CSMD1: variants seen among roughly 807,000 people sequenced by gnomAD.
CSMD1 encodes CUB and Sushi multiple domains 1, also known as CUB and sushi domain-containing protein 1.
Under a neutral mutation model 417.5 loss-of-function variants are expected in CSMD1, and 213 were observed. The observed-to-expected ratio is 0.51, with a 90% CI of 0.46 to 0.57. CSMD1 has a LOEUF of 0.57. Ranked by LOEUF, CSMD1 falls within the 20% of genes least tolerant of loss-of-function variation. The pLI, the probability that CSMD1 is intolerant of heterozygous loss-of-function variation, is 0.00. For missense variants in CSMD1, 6,923 were observed against 4,529.7 expected (o/e 1.53, Z -15.17); for synonymous variants, 2,862 against 1,736.8 (o/e 1.65, Z -16.11).
At chr8:4,606,712 T>C (rs1467972510) in intron 2 of CSMD1, among the ~76,000 whole-genome samples, 1 of 152,202 alleles carries the variant, frequency 6.6e-6, no homozygotes, top group Admixed American at 6.5e-5. Flanking sequence ...TGATCTATCC[T>C]CCAGTTTGAT....
chr8:4,093,682 C>T (rs1036472663), intron 3 of CSMD1, among the ~76,000 whole-genome samples: 9 of 152,056 alleles, frequency 5.9e-5, no homozygotes, highest in South Asian at 2.1e-4. Context: ...ACAGAACGGC[C>T]GGGTGCAGAG....
intron 2 of CSMD1, among the ~76,000 whole-genome samples, chr8:4,434,201 G>T (rs181231332): frequency 2.6e-5 from 4 of 152,178 alleles, no homozygotes; most frequent in African/African-American, 9.6e-5. Flanking sequence ...ATCCAGGCAT[G>T]GTAATGAGCA....
chr8:3,855,915 T>C (rs547666653), intron 5 of CSMD1, among the ~76,000 whole-genome samples: 1 of 152,226 alleles, frequency 6.6e-6, no homozygotes, highest in Admixed American at 6.5e-5. Flanking sequence ...TTGCCAAATC[T>C]GTACGGGTGA....
chr8:3,539,930 TA>T lies in CSMD1; in HGVS notation c.1344+35014del, dbSNP rs1798368418. On this transcript the variant is annotated intron_variant, in intron 10 of 69. Transcript: ENST00000635120. Reference sequence around the variant, plus strand: ...ACACAATTGCTTCATGGATAGACCATAACTTCTCTGTTTCCCATAAATTGTA... The same window carrying T: ...ACACAATTGCTTCATGGATAGACCATACTTCTCTGTTTCCCATAAATTGTA... Among the ~76,000 whole-genome samples the T allele has an allele frequency of 2.6e-5, 4 of 152,316 alleles. No individual in the cohort carries two copies. In the South Asian group the frequency reaches 8.3e-4, roughly 32 times the overall value.
At chr8:4,811,700 GA>G (rs202162965) in intron 1 of CSMD1, among the ~76,000 whole-genome samples, 65 of 151,582 alleles carry the variant, frequency 4.3e-4, no homozygotes, top group East Asian at 1.6e-3. Flanking sequence ...ACAGAAATAA[GA>G]AAAAAAATGA....
chr8:3,229,153 C>T (rs745978610), intron 27 of CSMD1, among the ~76,000 whole-genome samples: 4 of 152,102 alleles, frequency 2.6e-5, no homozygotes, highest in Non-Finnish European at 4.4e-5. Context: ...AAAACCAGTT[C>T]AAACCACAAA....
chr8:3,388,294 T>C (rs1811136261), intron 17 of CSMD1, among the ~76,000 whole-genome samples: 1 of 152,212 alleles, frequency 6.6e-6, no homozygotes, highest in African/African-American at 2.4e-5. Context: ...GAAAAATTAA[T>C]GTGCATGAAG....
chr8:3,363,595 T>C (rs1458396023), intron 20 of CSMD1, among the ~76,000 whole-genome samples: 1 of 152,118 alleles, frequency 6.6e-6, no homozygotes, highest in Non-Finnish European at 1.5e-5. Flanking sequence ...TGGCGCGATC[T>C]CCGCTCACTG....
intron 12 of CSMD1, among the ~76,000 whole-genome samples, chr8:3,428,735 G>T (rs568099414): frequency 6.6e-6 from 1 of 152,202 alleles, no homozygotes; most frequent in South Asian, 2.1e-4. Context: ...ATCAGTACAT[G>T]GAAGAGATAG....
chr8:4,728,054 T>C (rs144641123), intron 1 of CSMD1, among the ~76,000 whole-genome samples: 5 of 146,722 alleles, frequency 3.4e-5, no homozygotes, highest in African/African-American at 1.2e-4. Flanking sequence ...TTGTTATATA[T>C]AGAGAGATGT....
chr8:3,821,736 C>T (rs1052169267), intron 5 of CSMD1, among the ~76,000 whole-genome samples: 6 of 152,102 alleles, frequency 3.9e-5, no homozygotes, highest in Admixed American at 6.5e-5. Flanking sequence ...GAGTTGAAAT[C>T]GCACCACTGC....
intron 3 of CSMD1, among the ~76,000 whole-genome samples, chr8:4,406,431 G>A (rs1273946667): frequency 1.3e-5 from 2 of 152,124 alleles, no homozygotes; most frequent in African/African-American, 4.8e-5. Context: ...TACCCCAAGA[G>A]CCACAAATTT....
At chr8:3,263,318 C>G (rs533290054) in intron 26 of CSMD1, among the ~76,000 whole-genome samples, 154 of 152,238 alleles carry the variant, frequency 1.0e-3, no homozygotes, top group South Asian at 3.1e-3. Context: ...AGGCTAGTCT[C>G]GAACTCCTGG....
In CSMD1 at chr8:3,838,023, T is replaced by C. The variant is rs193038998; in HGVS notation, c.819-83981A>G. Among the ~76,000 whole-genome samples, 554 of 152,234 alleles carry C rather than the reference T, an allele frequency of 3.6e-3. 2 individuals are homozygous for C. Among genetic ancestry groups the C allele is most frequent in the African/African-American group, 0.013 (523 of 41,532 alleles). On this transcript the variant is annotated intron_variant, in intron 5 of 69. Transcript: ENST00000635120. ...TGATGCCCTCCCCAACTAATTATCA[T>C]AAATAAATATGTATGTATTGATTAG... is the stretch of plus-strand genomic sequence containing the variant.
intron 1 of CSMD1, among the ~76,000 whole-genome samples, chr8:4,757,289 G>C (rs1234010665): frequency 1.3e-5 from 2 of 152,160 alleles, no homozygotes; most frequent in South Asian, 2.1e-4. Flanking sequence ...GGAAATAAAA[G>C]ATATACGTGA....
At position 3,964,352 on chromosome 8, in the gene CSMD1, G is replaced by A. The variant is rs192599041; in HGVS notation, c.818+33551C>T. Among the ~76,000 whole-genome samples the A allele has an allele frequency of 2.5e-3, 377 of 152,240 alleles. 1 individual carries two copies. Among genetic ancestry groups the A allele is most frequent in the African/African-American group, 8.8e-3 (364 of 41,542 alleles). ...TGTCACCGTGACTTATTTGAGCACTGGTACAACTTAATTCACATTTGTTTG... is the reference window on the plus strand; with the variant it reads ...TGTCACCGTGACTTATTTGAGCACTAGTACAACTTAATTCACATTTGTTTG... On this transcript the variant is annotated intron_variant, in intron 5 of 69. Coordinates refer to ENST00000635120, the MANE Select transcript of CSMD1 (RefSeq NM_033225.6).
chr8:3,093,567 C>A (rs940428728), intron 47 of CSMD1, among the ~76,000 whole-genome samples: 1 of 152,006 alleles, frequency 6.6e-6, no homozygotes. Flanking sequence ...ACTCAGGAGG[C>A]TGAGGCAGGA....
chr8:3,270,881 G>A (rs529628659), intron 26 of CSMD1, among the ~76,000 whole-genome samples: 5 of 151,590 alleles, frequency 3.3e-5, no homozygotes, highest in African/African-American at 9.7e-5. Context: ...TATGGCAGAA[G>A]GTAAGCAGGA....
At chr8:3,992,022 A>C (rs1251469469) in intron 5 of CSMD1, among the ~76,000 whole-genome samples, 2 of 152,146 alleles carry the variant, frequency 1.3e-5, no homozygotes, top group African/African-American at 4.8e-5. Flanking sequence ...CATTTTAATT[A>C]AAGCAGGGGT....
Sources: gnomAD v4.1 joint callset for allele counts (sites outside exome capture counted in the v4.1 genomes callset) on GRCh38, gnomAD v4.1.1 for gene constraint, MANE v1.5 for transcripts, NCBI Gene and HGNC (gene_info 2026-07-23, HGNC 2026-07-21) for gene names.